The following FBN1 variants were observed in gnomAD, a reference collection of about 807,000 sequenced individuals.
The protein encoded by FBN1 is fibrillin-1.
A neutral mutation model predicts 365.1 loss-of-function variants in FBN1; 29 were observed. The ratio of observed to expected loss-of-function variants is 0.08; its 90% confidence interval spans 0.06 to 0.11. FBN1 has a LOEUF of 0.11. Among genes scored for constraint, FBN1 ranks in the 10% least tolerant of loss-of-function variants. The pLI is 1.00. For missense variants in FBN1, 2,476 were observed against 3,703.2 expected, an observed-to-expected ratio of 0.67 and a Z score of 8.60; for synonymous variants, 1,210 against 1,270.5, an observed-to-expected ratio of 0.95 and a Z score of 1.01.
intron 6 of FBN1, among the ~76,000 whole-genome samples, chr15:48,559,217 T>C (rs1489199703): frequency 2.0e-5 from 3 of 152,164 alleles, no homozygotes; most frequent in Non-Finnish European, 4.4e-5. Flanking sequence ...TATGTGCTCC[T>C]TTGACAATTT....
chr15:48,644,420 A>C (rs1016418133), intron 2 of FBN1, 186 bp downstream of exon 2: 4 of 764,724 alleles, frequency 5.2e-6, no homozygotes, highest in Middle Eastern at 2.5e-4. Context: ...TGGGGCAGAA[A>C]TCTCTGGGAG....
chr15:48,487,973 G>T, intron 27 of FBN1, 140 bp downstream of exon 27: 1 of 1,118,470 alleles, frequency 8.9e-7, no homozygotes, highest in Non-Finnish European at 1.3e-6. Context: ...TTCTACCTCA[G>T]TCTCCCTCTG....
chr15:48,626,480 C>A (rs1347782762), intron 2 of FBN1, among the ~76,000 whole-genome samples: 1 of 152,108 alleles, frequency 6.6e-6, no homozygotes, highest in Non-Finnish European at 1.5e-5. Flanking sequence ...GTAGCTCAAA[C>A]CATATTTCAT....
chr15:48,546,766 G>A (rs527640735), intron 6 of FBN1, among the ~76,000 whole-genome samples: 45 of 152,250 alleles, frequency 3.0e-4, no homozygotes, highest in African/African-American at 1.0e-3. Flanking sequence ...GAAAGTTGGC[G>A]AGAGTGGTGG....
At chr15:48,442,599 A>C (rs895145214) in intron 49 of FBN1, among the ~76,000 whole-genome samples, 1 of 152,244 alleles carries the variant, frequency 6.6e-6, no homozygotes, top group Non-Finnish European at 1.5e-5. Context: ...GTAGCCAATA[A>C]GAAGTTTGAA....
intron 53 of FBN1, 42 bp from the exon 54 acceptor site, chr15:48,434,755 G>A: frequency 6.2e-7 from 1 of 1,607,204 alleles, no homozygotes. Context: ...GATGAATTGA[G>A]ATAATACCTT....
chr15:48,519,286 T>C (rs1319562720), intron 10 of FBN1, among the ~76,000 whole-genome samples: 1 of 152,244 alleles, frequency 6.6e-6, no homozygotes, highest in Non-Finnish European at 1.5e-5. Flanking sequence ...ATATTCATTG[T>C]GCACAACGTG....
rs2043209099 is a variant in FBN1 at position 48,452,564 on chromosome 15, T to C, written c.5543A>G (p.Asn1848Ser). 1 of 1,614,050 alleles carries C rather than the reference T, an allele frequency of 6.2e-7. No homozygotes were observed. ...GYRFTSTGQC[N>S]DRNECQEIPN... Reference sequence around the variant, plus strand: ...CCAGCCTGTGGGGCACTACATACCATTGCACTGTCCTGTGGAGGTGAAGCG... The same window carrying C: ...CCAGCCTGTGGGGCACTACATACCACTGCACTGTCCTGTGGAGGTGAAGCG... Residue 1848 changes from asparagine (N) to serine (S), a missense_variant and splice_region_variant, in exon 45 of 66, where the codon AAT becomes AGT. By Grantham distance (46) the Asn-to-Ser change is conservative. This residue lies in a region of FBN1 where 1,780 missense variants were observed against 2,840.8 expected (regional missense o/e 0.63). Transcript: ENST00000316623.
chr15:48,412,228 T>C (rs1566889008), intron 65 of FBN1, among the ~76,000 whole-genome samples: 1 of 152,232 alleles, frequency 6.6e-6, no homozygotes, highest in East Asian at 1.9e-4. Flanking sequence ...CATTCCTATG[T>C]AGGGAGCACT....
At chr15:48,506,537 G>C (rs2043709267) in intron 15 of FBN1, among the ~76,000 whole-genome samples, 1 of 152,226 alleles carries the variant, frequency 6.6e-6, no homozygotes, top group Non-Finnish European at 1.5e-5. Context: ...CAACCTGAAA[G>C]GTAACACAAA....
At chr15:48,484,034 T>C in intron 30 of FBN1, 91 bp from the exon 31 acceptor site, 3 of 1,279,908 alleles carry the variant, frequency 2.3e-6, no homozygotes, top group Non-Finnish European at 3.4e-6. Context: ...CAAATAAACT[T>C]AGCCTACTAG....
At position 48,470,608 on chromosome 15, in the gene FBN1, G is replaced by A. The variant is rs1435294920; in HGVS notation, c.4459+26C>T. ...GGGTCCCCCGGGACACCAGGGAGCT[G>A]ATTTTGATGCCAGTGGAGGTCTTAC... On this transcript the variant is annotated intron_variant, in intron 36 of 65. Coordinates refer to ENST00000316623, the MANE Select transcript of FBN1 (RefSeq NM_000138.5). 12 of 1,613,596 alleles carry A rather than the reference G, an allele frequency of 7.4e-6. No individual in the cohort carries two copies. The South Asian group carries it at 1.2e-4, about 16-fold the overall frequency.
rs1353901184 is a variant in FBN1 at position 48,445,036 on chromosome 15, T to C, written c.5917+340A>G. Among the ~76,000 whole-genome samples, 8 of 150,776 alleles carry C rather than the reference T, an allele frequency of 5.3e-5. No homozygotes were observed. In the East Asian group the frequency reaches 1.5e-3, roughly 29 times the overall value. ...TTGCTTACAGAGCAATTTAGCAATTTCACTGTTTAATAGTTTGAGTATTCT... is the reference window on the plus strand; with the variant it reads ...TTGCTTACAGAGCAATTTAGCAATTCCACTGTTTAATAGTTTGAGTATTCT... On this transcript the variant is annotated intron_variant, in intron 48 of 65. Coordinates refer to ENST00000316623, the MANE Select transcript of FBN1 (RefSeq NM_000138.5).
intron 2 of FBN1, among the ~76,000 whole-genome samples, chr15:48,634,651 C>G (rs1483157871): frequency 6.6e-6 from 1 of 151,956 alleles, no homozygotes; most frequent in Non-Finnish European, 1.5e-5. Flanking sequence ...TTTACTTAGA[C>G]CTTGTTTACT....
At position 48,505,009 on chromosome 15, in the gene FBN1, C is replaced by G; in HGVS notation, c.1960+16G>C. 1 of 1,614,004 alleles carries G rather than the reference C, an allele frequency of 6.2e-7. No individual in the cohort carries two copies. The highest frequency in any genetic ancestry group is 8.5e-7 in the Non-Finnish European group (1 of 1,179,968). On this transcript the variant is annotated intron_variant, in intron 16 of 65. Coordinates refer to ENST00000316623, the MANE Select transcript of FBN1 (RefSeq NM_000138.5). ...GCTGAACCTCTCTCATAAGGTTAGCCATGATGTTTTCTTACCAACACACAC... is the reference window on the plus strand; with the variant it reads ...GCTGAACCTCTCTCATAAGGTTAGCGATGATGTTTTCTTACCAACACACAC...
intron 20 of FBN1, 116 bp from the exon 21 acceptor site, chr15:48,495,704 G>T: frequency 7.4e-7 from 1 of 1,358,694 alleles, no homozygotes; most frequent in African/African-American, 1.4e-5. Flanking sequence ...GTAAAGCTGG[G>T]CTAAATAGTT....
intron 4 of FBN1, among the ~76,000 whole-genome samples, chr15:48,606,033 A>G (rs2044605590): frequency 6.6e-6 from 1 of 152,212 alleles, no homozygotes; most frequent in East Asian, 1.9e-4. Flanking sequence ...AGATGACTAC[A>G]CAGCAATCAG....
intron 15 of FBN1, among the ~76,000 whole-genome samples, chr15:48,507,863 T>C (rs189957126): frequency 2.6e-5 from 4 of 152,232 alleles, no homozygotes; most frequent in Admixed American, 2.6e-4. Context: ...TAATCACTGA[T>C]CCCTACATAA....
Position 48,488,219 on chromosome 15 carries a change from AG to A in FBN1, c.3230del (p.Ser1077PhefsTer11). 1 of 1,614,240 alleles carries A rather than the reference AG, an allele frequency of 6.2e-7. No individual in the cohort carries two copies. Among genetic ancestry groups the A allele is most frequent in the Non-Finnish European group, 8.5e-7 (1 of 1,180,042 alleles). On this transcript the variant is annotated frameshift_variant, in exon 27 of 66. Coordinates refer to ENST00000316623, the MANE Select transcript of FBN1 (RefSeq NM_000138.5). LOFTEE classifies it high-confidence loss of function. Reference sequence around the variant, plus strand: ...ACTGGCCTCTGCCACAGAGGTCAGGAGATATGCGGCATTCGTCAATGTCTGC... The same window carrying A: ...ACTGGCCTCTGCCACAGAGGTCAGGAATATGCGGCATTCGTCAATGTCTGC... ...NCTDIDECRI[S>X]PDLCGRGQCV...
Sources: gnomAD v4.1 joint callset for allele counts (sites outside exome capture counted in the v4.1 genomes callset) on GRCh38, gnomAD v4.1.1 for gene constraint, gnomAD v4.1.1 regional missense constraint, MANE v1.5 for transcripts, NCBI Gene and HGNC (gene_info 2026-07-23, HGNC 2026-07-21) for gene names.